Variants in DACH2 observed in about 807,000 individuals in gnomAD.
The protein encoded by DACH2 is dachshund homolog 2.
Under a neutral mutation model 35.8 loss-of-function variants are expected in DACH2, and 17 were observed. The observed-to-expected ratio is 0.48, with a 90% CI of 0.33 to 0.71. DACH2 has a LOEUF of 0.71. Ranked by LOEUF, DACH2 falls within the 30% of genes least tolerant of loss-of-function variation. DACH2 has a pLI of 0.02. For synonymous variants in DACH2, 195 were observed against 177.3 expected (o/e 1.10, Z -0.79); for missense variants, 469 against 472.7 (o/e 0.99, Z 0.07).
intron 1 of DACH2, among the ~76,000 whole-genome samples, chrX:86,326,944 C>G (rs1359162237): frequency 9.0e-6 from 1 of 111,486 alleles, no homozygotes; most frequent in Non-Finnish European, 1.9e-5. Flanking sequence ...ATGTATCCAT[C>G]CACCCATCTA....
At chrX:86,212,683 A>T (rs1184515339) in intron 1 of DACH2, among the ~76,000 whole-genome samples, 1 of 111,445 alleles carries the variant, frequency 9.0e-6, no homozygotes. Context: ...TTACCACTAT[A>T]AACTACATGT....
chrX:86,750,119 G>T (rs973685354), intron 7 of DACH2, among the ~76,000 whole-genome samples: 3 of 110,874 alleles, frequency 2.7e-5, no homozygotes, highest in African/African-American at 9.8e-5. Flanking sequence ...GCTAGAGACT[G>T]CAATACAATG....
intron 3 of DACH2, among the ~76,000 whole-genome samples, chrX:86,613,864 C>A (rs1240342183): frequency 9.0e-6 from 1 of 111,704 alleles, no homozygotes; most frequent in Non-Finnish European, 1.9e-5. Context: ...TACTTAAGAT[C>A]TAATTTATAA....
At chrX:86,711,773 G>A (rs772506823) in intron 5 of DACH2, among the ~76,000 whole-genome samples, 1 of 112,303 alleles carries the variant, frequency 8.9e-6, no homozygotes, top group African/African-American at 3.2e-5. Flanking sequence ...AGCTATTGCA[G>A]GTCATGATTT....
chrX:86,453,821 AG>A (rs1207647237), intron 2 of DACH2, among the ~76,000 whole-genome samples: 1 of 111,026 alleles, frequency 9.0e-6, no homozygotes, highest in Admixed American at 9.6e-5. Context: ...CTTTACAGTT[AG>A]TATTGTTATG....
intron 4 of DACH2, among the ~76,000 whole-genome samples, chrX:86,655,081 C>A (rs1437338156): frequency 2.7e-5 from 3 of 111,323 alleles, no homozygotes; most frequent in African/African-American, 9.8e-5. Context: ...CTTTTATCTG[C>A]TTTAGTTCCT....
At chrX:86,610,442 C>CTTTCT (rs2039928932) in intron 3 of DACH2, among the ~76,000 whole-genome samples, 1 of 78,576 alleles carries the variant, frequency 1.3e-5, no homozygotes, top group Non-Finnish European at 2.4e-5. Context: ...TTCTTTCTTT[C>CTTTCT]TTTCTTTTTC....
chrX:86,403,859 C>T, intron 2 of DACH2, among the ~76,000 whole-genome samples: 1 of 111,281 alleles, frequency 9.0e-6, no homozygotes, highest in South Asian at 3.8e-4. Context: ...GTTTAATTGA[C>T]TCACACTTCT....
chrX:86,673,961 G>A (rs1281493402), intron 4 of DACH2, among the ~76,000 whole-genome samples: 1 of 111,907 alleles, frequency 8.9e-6, no homozygotes, highest in Non-Finnish European at 1.9e-5. Context: ...CCCAGCTAGG[G>A]AAGCCTGTAC....
chrX:86,580,669 T>C (rs373948528), intron 3 of DACH2, among the ~76,000 whole-genome samples: 1 of 110,952 alleles, frequency 9.0e-6, no homozygotes, highest in African/African-American at 3.3e-5. Flanking sequence ...TCCAAATAAG[T>C]CGGTCAGATA....
chrX:86,585,861 C>A, intron 3 of DACH2, among the ~76,000 whole-genome samples: 1 of 111,123 alleles, frequency 9.0e-6, no homozygotes, highest in Middle Eastern at 4.6e-3. Context: ...GTGAATAGTG[C>A]CGTAATGAAT....
intron 2 of DACH2, among the ~76,000 whole-genome samples, chrX:86,489,247 T>C (rs940875450): frequency 6.3e-5 from 7 of 110,789 alleles, no homozygotes; most frequent in African/African-American, 2.3e-4. Flanking sequence ...GATTGGACTT[T>C]GTATCTAGTA....
At chrX:86,618,512 T>C (rs1170584441) in intron 3 of DACH2, among the ~76,000 whole-genome samples, 1 of 111,913 alleles carries the variant, frequency 8.9e-6, no homozygotes, top group Non-Finnish European at 1.9e-5. Flanking sequence ...CTTATCGACA[T>C]AATCTAAGCC....
chrX:86,540,130 T>G (rs2038860742), intron 3 of DACH2, among the ~76,000 whole-genome samples: 1 of 112,135 alleles, frequency 8.9e-6, no homozygotes, highest in Non-Finnish European at 1.9e-5. Flanking sequence ...GAATGTAATA[T>G]TATTTGATTT....
intron 1 of DACH2, among the ~76,000 whole-genome samples, chrX:86,323,520 G>C (rs969773238): frequency 8.9e-6 from 1 of 111,849 alleles, no homozygotes; most frequent in Non-Finnish European, 1.9e-5. Context: ...TTGTAGCATT[G>C]CATACAGAGA....
chrX:86,225,144 C>T (rs1473074762), intron 1 of DACH2, among the ~76,000 whole-genome samples: 1 of 108,314 alleles, frequency 9.2e-6, no homozygotes, highest in Non-Finnish European at 2.0e-5. Flanking sequence ...AATTGATGAA[C>T]ACTCTAAAAT....
intron 1 of DACH2, among the ~76,000 whole-genome samples, chrX:86,286,033 T>C (rs1266747790): frequency 9.0e-6 from 1 of 110,627 alleles, no homozygotes; most frequent in Non-Finnish European, 1.9e-5. Flanking sequence ...ATTTTCAGTC[T>C]ATATGTGTCT....
chrX:86,819,007 A>C, intron 11 of DACH2, among the ~76,000 whole-genome samples: 1 of 107,445 alleles, frequency 9.3e-6, no homozygotes, highest in Middle Eastern at 4.8e-3. Context: ...TATTTACTAT[A>C]TATAGTATAT....
intron 3 of DACH2, among the ~76,000 whole-genome samples, chrX:86,552,987 C>T (rs67087003): frequency 0.19 from 20,924 of 110,335 alleles, 1,538 homozygotes; most frequent in East Asian, 0.28. Context: ...TCAAAGTGTA[C>T]TAGTCAGGGT....
Sources: gnomAD v4.1 joint callset for allele counts (sites outside exome capture counted in the v4.1 genomes callset) on GRCh38, gnomAD v4.1.1 for gene constraint, MANE v1.5 for transcripts, NCBI Gene and HGNC (gene_info 2026-07-23, HGNC 2026-07-21) for gene names.